ADAMTS12: variants seen among roughly 807,000 people sequenced by gnomAD.
ADAMTS12 encodes the protein ADAM metallopeptidase with thrombospondin type 1 motif 12.
In ADAMTS12, 118 loss-of-function variants were observed where a neutral mutation model predicts 167.8. That is an observed-to-expected ratio of 0.70 (90% confidence interval 0.61 to 0.82). ADAMTS12 has a LOEUF of 0.82. Ranked by LOEUF, ADAMTS12 falls within the 40% of genes least tolerant of loss-of-function variation. The pLI, the probability that ADAMTS12 is intolerant of heterozygous loss-of-function variation, is 0.00. For missense variants in ADAMTS12, 1,916 were observed against 1,998.8 expected (o/e 0.96, Z 0.79); for synonymous variants, 704 against 716.9 (o/e 0.98, Z 0.29).
Position 33,891,906 on chromosome 5 carries a change from T to C in ADAMTS12, c.-50A>G. 1 of 1,595,890 alleles carries C rather than the reference T, an allele frequency of 6.3e-7. No homozygotes were observed. The highest frequency in any genetic ancestry group is 8.5e-7 in the Non-Finnish European group (1 of 1,171,718). ...AGTCAAAAAAGTTTTAGCCCTCAGCTCCAGAAATAAAGCGCTCGCCTGTGG... is the reference window on the plus strand; with the variant it reads ...AGTCAAAAAAGTTTTAGCCCTCAGCCCCAGAAATAAAGCGCTCGCCTGTGG... On this transcript the variant is annotated 5_prime_UTR_variant, in exon 1 of 24. Transcript: ENST00000504830.
At position 33,754,640 on chromosome 5, in the gene ADAMTS12, C is replaced by T. The variant is rs1022726295; in HGVS notation, c.490-3092G>A. On this transcript the variant is annotated intron_variant, in intron 2 of 23. Transcript: ENST00000504830. ...GGTGGATCACTCAAGGTCAGGAGTT[C>T]GAGACCAGCCTGGCCAACATGGTGA... Among the ~76,000 whole-genome samples, 11 of 152,228 alleles carry T rather than the reference C, an allele frequency of 7.2e-5. No homozygotes were observed. In the East Asian group the frequency reaches 1.7e-3, roughly 24 times the overall value.
At chr5:33,822,746 A>C (rs932968186) in intron 2 of ADAMTS12, among the ~76,000 whole-genome samples, 2 of 152,294 alleles carry the variant, frequency 1.3e-5, no homozygotes, top group South Asian at 4.1e-4. Context: ...TAAATAAAAA[A>C]TAAAATCATG....
chr5:33,563,655 A>G (rs1745857147), intron 19 of ADAMTS12, among the ~76,000 whole-genome samples: 3 of 152,238 alleles, frequency 2.0e-5, no homozygotes. Flanking sequence ...CACAGTTTAC[A>G]GTTAACTGAC....
intron 3 of ADAMTS12, among the ~76,000 whole-genome samples, chr5:33,701,505 A>G (rs1743001375): frequency 6.6e-6 from 1 of 152,194 alleles, no homozygotes; most frequent in African/African-American, 2.4e-5. Context: ...CACCCCACCC[A>G]CCCCAGCATA....
chr5:33,531,777 A>C (rs1215426035), intron 23 of ADAMTS12, among the ~76,000 whole-genome samples: 5 of 152,208 alleles, frequency 3.3e-5, no homozygotes, highest in African/African-American at 1.2e-4. Flanking sequence ...CTTGGAAACC[A>C]TGAGATCAAG....
chr5:33,821,246 G>A (rs998502410), intron 2 of ADAMTS12, among the ~76,000 whole-genome samples: 1 of 151,954 alleles, frequency 6.6e-6, no homozygotes, highest in African/African-American at 2.4e-5. Context: ...AAAATTTTGA[G>A]TCATATCATG....
At position 33,580,855 on chromosome 5, in the gene ADAMTS12, C is replaced by T. The variant is rs1747027394; in HGVS notation, c.2866-3695G>A. On this transcript the variant is annotated intron_variant, in intron 18 of 23. Transcript: ENST00000504830. Reference sequence around the variant, plus strand: ...ATTGCTCTCATTCCCAAATAGCAACCCAAAACCTGATTAATGAAGACCTGG... The same window carrying T: ...ATTGCTCTCATTCCCAAATAGCAACTCAAAACCTGATTAATGAAGACCTGG... Among the ~76,000 whole-genome samples the T allele has an allele frequency of 2.0e-5, 3 of 152,120 alleles. No individual in the cohort carries two copies. The South Asian group carries it at 6.2e-4, about 32-fold the overall frequency.
chr5:33,639,111 A>C (rs989692499), intron 11 of ADAMTS12, among the ~76,000 whole-genome samples: 13 of 152,220 alleles, frequency 8.5e-5, no homozygotes, highest in African/African-American at 3.1e-4. Context: ...TAAAATGAGC[A>C]TAATAGTTTT....
At chr5:33,834,927 T>A (rs1344742360) in intron 2 of ADAMTS12, among the ~76,000 whole-genome samples, 1 of 152,208 alleles carries the variant, frequency 6.6e-6, no homozygotes, top group East Asian at 1.9e-4. Context: ...GGAGTCCCAA[T>A]GGCCCTTGCA....
intron 5 of ADAMTS12, among the ~76,000 whole-genome samples, chr5:33,670,246 C>T (rs1741623404): frequency 3.9e-5 from 6 of 151,968 alleles, no homozygotes; most frequent in Admixed American, 3.9e-4. Flanking sequence ...TAAAAAGATA[C>T]TCAACATTAC....
chr5:33,564,871 C>T (rs748292881), intron 19 of ADAMTS12, among the ~76,000 whole-genome samples: 4 of 152,164 alleles, frequency 2.6e-5, no homozygotes, highest in Non-Finnish European at 5.9e-5. Flanking sequence ...GGGTCTTAGA[C>T]TAACAGAGGA....
intron 3 of ADAMTS12, among the ~76,000 whole-genome samples, chr5:33,688,951 C>G (rs1742451803): frequency 6.6e-6 from 1 of 152,174 alleles, no homozygotes; most frequent in Non-Finnish European, 1.5e-5. Flanking sequence ...CAGCTTCCCC[C>G]AAGATGACCT....
chr5:33,570,596 G>A (rs941266125), intron 19 of ADAMTS12, among the ~76,000 whole-genome samples: 5 of 152,046 alleles, frequency 3.3e-5, no homozygotes, highest in Admixed American at 3.3e-4. Context: ...CCTGAAGGAA[G>A]CACTAAACAT....
intron 18 of ADAMTS12, among the ~76,000 whole-genome samples, chr5:33,582,636 A>T (rs1391082278): frequency 6.6e-6 from 1 of 152,176 alleles, no homozygotes; most frequent in East Asian, 1.9e-4. Context: ...ATCGATTCTC[A>T]GTACCTTGGT....
chr5:33,677,630 T>C (rs764150115), intron 5 of ADAMTS12, among the ~76,000 whole-genome samples: 4 of 152,170 alleles, frequency 2.6e-5, no homozygotes, highest in African/African-American at 9.7e-5. Context: ...ATTAAAAGGA[T>C]AGAATTTGGG....
intron 22 of ADAMTS12, among the ~76,000 whole-genome samples, chr5:33,543,247 A>G (rs1561113162): frequency 6.6e-6 from 1 of 152,220 alleles, no homozygotes; most frequent in Non-Finnish European, 1.5e-5. Context: ...CTATGAAAAT[A>G]AACTGGAAAA....
intron 2 of ADAMTS12, among the ~76,000 whole-genome samples, chr5:33,782,755 T>C (rs1220657297): frequency 6.6e-6 from 1 of 152,104 alleles, no homozygotes; most frequent in Non-Finnish European, 1.5e-5. Context: ...TAAATGTATA[T>C]GTACTTAATA....
At chr5:33,818,706 T>C (rs1747756935) in intron 2 of ADAMTS12, among the ~76,000 whole-genome samples, 1 of 152,166 alleles carries the variant, frequency 6.6e-6, no homozygotes, top group South Asian at 2.1e-4. Flanking sequence ...CCACCAATGG[T>C]GTACTAGGGT....
At chr5:33,832,973 C>A (rs1748363301) in intron 2 of ADAMTS12, among the ~76,000 whole-genome samples, 3 of 152,198 alleles carry the variant, frequency 2.0e-5, no homozygotes, top group African/African-American at 7.2e-5. Context: ...AATATCATCT[C>A]TCTTGTTCAC....
Sources: allele counts gnomAD v4.1 joint callset (sites outside exome capture counted in the v4.1 genomes callset), GRCh38; gene constraint gnomAD v4.1.1; transcripts MANE v1.5; gene names NCBI Gene and HGNC (gene_info 2026-07-23, HGNC 2026-07-21).